The following LEMD3 variants were observed in gnomAD, a reference collection of about 807,000 sequenced individuals.
LEMD3 encodes LEM domain containing 3.
In LEMD3, 33 loss-of-function variants were observed where a neutral mutation model predicts 95.2. The ratio of observed to expected loss-of-function variants is 0.35; its 90% CI spans 0.26 to 0.46. The LOEUF is 0.46. LEMD3 is among the 20% of genes least tolerant of loss of function. The pLI is 1.00. For missense variants in LEMD3, 1,210 were observed against 1,192.8 expected (o/e 1.01, Z -0.21); for synonymous variants, 525 against 474.6 (o/e 1.11, Z -1.38).
intron 2 of LEMD3, among the ~76,000 whole-genome samples, chr12:65,212,415 T>G (rs544905830): frequency 4.6e-5 from 7 of 151,822 alleles, no homozygotes; most frequent in African/African-American, 1.7e-4. Flanking sequence ...CAGGCGCCTG[T>G]AGTCCCAGCT....
At chr12:65,192,029 G>A (rs1384243880) in intron 1 of LEMD3, among the ~76,000 whole-genome samples, 1 of 146,730 alleles carries the variant, frequency 6.8e-6, no homozygotes, top group Non-Finnish European at 1.5e-5. Context: ...GTAGATCACA[G>A]ATCACTTGAA....
At chr12:65,236,412 G>A (rs1870773582) in intron 4 of LEMD3, among the ~76,000 whole-genome samples, 1 of 152,088 alleles carries the variant, frequency 6.6e-6, no homozygotes, top group African/African-American at 2.4e-5. Context: ...GCTGGGTGTG[G>A]TGGCACACGC....
chr12:65,182,845 A>T (rs1020293288), intron 1 of LEMD3, among the ~76,000 whole-genome samples: 2 of 152,206 alleles, frequency 1.3e-5, no homozygotes, highest in African/African-American at 4.8e-5. Flanking sequence ...CAGACAATGC[A>T]TACAGTTGAT....
At position 65,192,108 on chromosome 12, in the gene LEMD3, A is replaced by T. The variant is rs1592436849; in HGVS notation, c.1523-18818A>T. 2.3e-5 allele frequency among the ~76,000 whole-genome samples: 3 copies of T among 130,766 alleles called. No homozygotes were observed. The East Asian group carries it at 8.1e-4, about 35-fold the overall frequency. 85.8% of individuals were successfully genotyped at this position (130,766 alleles called of 152,430 possible). On this transcript the variant is annotated intron_variant, in intron 1 of 12. Transcript: ENST00000308330. ...TATAGAAAGTTACACAGTTGCTTAA[A>T]AAAAAAAAAAAGCACCTTAGCTCTT...
intron 4 of LEMD3, among the ~76,000 whole-genome samples, chr12:65,230,579 A>G (rs1478906090): frequency 6.6e-6 from 1 of 151,826 alleles, no homozygotes; most frequent in African/African-American, 2.4e-5. Context: ...TTTTGTTGGT[A>G]TATGTTACTG....
intron 1 of LEMD3, among the ~76,000 whole-genome samples, chr12:65,202,101 T>A (rs1869620330): frequency 6.6e-6 from 1 of 151,750 alleles, no homozygotes; most frequent in East Asian, 1.9e-4. Context: ...AACTTTTTCC[T>A]TCCAGGTTCA....
intron 4 of LEMD3, among the ~76,000 whole-genome samples, chr12:65,219,055 G>A (rs569117582): frequency 6.6e-6 from 1 of 152,148 alleles, no homozygotes; most frequent in Non-Finnish European, 1.5e-5. Flanking sequence ...GCCTCCCAAA[G>A]TGCTGGGATT....
chr12:65,239,808 T>C (rs1323841837), intron 6 of LEMD3, 121 bp from the exon 7 acceptor site: 3 of 666,232 alleles, frequency 4.5e-6, no homozygotes, highest in Non-Finnish European at 7.9e-6. Context: ...TTTAATTATA[T>C]AGCTAATTCA....
In LEMD3 at chr12:65,223,388, C is replaced by A. The variant is rs972255298; in HGVS notation, c.1695+4769C>A. Reference sequence around the variant, plus strand: ...GTGAGATCATAGCTTACTGCAATCTCAAACTCCTGGGCTCAAGTGATCCTC... The same window carrying A: ...GTGAGATCATAGCTTACTGCAATCTAAAACTCCTGGGCTCAAGTGATCCTC... On this transcript the variant is annotated intron_variant, in intron 4 of 12. Transcript: ENST00000308330. Among the ~76,000 whole-genome samples, 6 of 148,218 alleles carry A rather than the reference C, an allele frequency of 4.0e-5. No homozygotes were observed. The Admixed American group carries it at 4.1e-4, about 10-fold the overall frequency.
At chr12:65,213,087 A>AAGAT (rs147534273) in intron 2 of LEMD3, among the ~76,000 whole-genome samples, 2,764 of 151,992 alleles carry the variant, frequency 0.018, 23 homozygotes, top group African/African-American at 0.027. Context: ...CAAGACTGTA[A>AAGAT]AGATAGATAG....
At chr12:65,245,637 GGTT>G in intron 10 of LEMD3, 29 bp from the exon 11 acceptor site, 5 of 1,435,124 alleles carry the variant, frequency 3.5e-6, no homozygotes, top group Non-Finnish European at 4.9e-6. Flanking sequence ...GTAGGAATAT[GGTT>G]GTTGATTTTT....
intron 1 of LEMD3, among the ~76,000 whole-genome samples, chr12:65,178,564 T>C (rs1467084502): frequency 6.6e-6 from 1 of 152,184 alleles, no homozygotes; most frequent in Non-Finnish European, 1.5e-5. Context: ...AATGAAGTAA[T>C]GTGTGTAAAG....
chr12:65,214,369 C>T (rs1870037162), intron 2 of LEMD3, among the ~76,000 whole-genome samples: 2 of 152,104 alleles, frequency 1.3e-5, no homozygotes, highest in South Asian at 4.1e-4. Flanking sequence ...TGGCTTGATT[C>T]AGAATCTGAT....
At chr12:65,174,557 TC>T (rs1418128360) in intron 1 of LEMD3, among the ~76,000 whole-genome samples, 1 of 152,182 alleles carries the variant, frequency 6.6e-6, no homozygotes. Flanking sequence ...ATGCCTCTCT[TC>T]CTAGCCTCAT....
chr12:65,186,241 C>T (rs948301664), intron 1 of LEMD3, among the ~76,000 whole-genome samples: 8 of 151,676 alleles, frequency 5.3e-5, no homozygotes, highest in Admixed American at 1.3e-4. Context: ...ACATTTTGCC[C>T]GTTGCTTTTT....
At chr12:65,219,709 C>G (rs1008473728) in intron 4 of LEMD3, among the ~76,000 whole-genome samples, 2 of 152,182 alleles carry the variant, frequency 1.3e-5, no homozygotes, top group African/African-American at 4.8e-5. Context: ...AGCAGGCCCC[C>G]GTTTTCCTCT....
intron 1 of LEMD3, among the ~76,000 whole-genome samples, chr12:65,196,193 G>T (rs1284264974): frequency 6.6e-6 from 1 of 151,502 alleles, no homozygotes; most frequent in Non-Finnish European, 1.5e-5. Context: ...AGAGGATGGG[G>T]TGGGGTGGTG....
rs527875706 is a variant in LEMD3, at chr12:65,178,775, C to T, written c.1522+7657C>T. On this transcript the variant is annotated intron_variant, in intron 1 of 12. Coordinates refer to ENST00000308330, the MANE Select transcript of LEMD3 (RefSeq NM_014319.5). ...TAAGTGAAGCGGCAGTATTTGAACT[C>T]AGACAGTGGCTCTTAACTGTTCTTC... is the stretch of plus-strand genomic sequence containing the variant. 4.6e-5 allele frequency among the ~76,000 whole-genome samples: 7 copies of T among 152,300 alleles called. 1 individual carries two copies. In the South Asian group the frequency reaches 1.5e-3, roughly 32 times the overall value.
intron 10 of LEMD3, chr12:65,245,209 C>G (rs1871066552): frequency 6.1e-6 from 1 of 164,650 alleles, no homozygotes; most frequent in Admixed American, 5.9e-5. Context: ...CGGCTCACTG[C>G]AAGCTCTGCC....
Sources: allele counts gnomAD v4.1 joint callset (sites outside exome capture counted in the v4.1 genomes callset), GRCh38; gene constraint gnomAD v4.1.1; transcripts MANE v1.5; gene names NCBI Gene and HGNC (gene_info 2026-07-23, HGNC 2026-07-21).